The following ABCC5 variants were observed in gnomAD, a reference collection of about 807,000 sequenced individuals.
ABCC5 encodes ATP binding cassette subfamily C member 5.
Under a neutral mutation model 160.9 loss-of-function variants are expected in ABCC5, and 61 were observed. The ratio of observed to expected loss-of-function variants is 0.38; its 90% confidence interval spans 0.31 to 0.47. The LOEUF (loss-of-function observed/expected upper bound fraction) is 0.47, where lower values mean the gene tolerates loss of function less well. ABCC5 is among the 20% of genes least tolerant of loss of function. The probability of loss-of-function intolerance (pLI) is 0.99; values close to 1 mark genes in which losing one functional copy is unlikely to be tolerated. For synonymous variants in ABCC5, 666 were observed against 700.6 expected (o/e 0.95, Z 0.78); for missense variants, 1,308 against 1,813.3 (o/e 0.72, Z 5.06).
chr3:183,981,615 T>A, intron 8 of ABCC5, 112 bp downstream of exon 8: 2 of 1,184,290 alleles, frequency 1.7e-6, no homozygotes, highest in Non-Finnish European at 1.2e-6. Flanking sequence ...CCTACGATAC[T>A]AGACACTAGT....
At chr3:183,932,037 G>C (rs1454918676) in intron 26 of ABCC5, among the ~76,000 whole-genome samples, 1 of 152,106 alleles carries the variant, frequency 6.6e-6, no homozygotes, top group Non-Finnish European at 1.5e-5. Context: ...AGTCAACATT[G>C]ACCACTGCTA....
chr3:183,993,483 C>CAAAAAAA (rs57885159), intron 2 of ABCC5, among the ~76,000 whole-genome samples: 2 of 105,496 alleles, frequency 1.9e-5, no homozygotes, highest in Non-Finnish European at 2.0e-5. Flanking sequence ...GACCCTGTCT[C>CAAAAAAA]AAAAAAAAAA....
rs548924201 is a variant in ABCC5 at position 183,955,767 on chromosome 3, T to C, written c.2483-2497A>G. Among the ~76,000 whole-genome samples, 59 of 138,158 alleles carry C rather than the reference T, an allele frequency of 4.3e-4. 8 individuals are homozygous for C. Among genetic ancestry groups the C allele is most frequent in the African/African-American group, 1.1e-3 (42 of 37,626 alleles). 90.6% of individuals were successfully genotyped at this position (138,158 alleles called of 152,430 possible). Reference sequence around the variant, plus strand: ...AAATCACATCAGTTACATGCAGATCTGTGTGTATATTACATCTGTTACATG... The same window carrying C: ...AAATCACATCAGTTACATGCAGATCCGTGTGTATATTACATCTGTTACATG... On this transcript the variant is annotated intron_variant, in intron 17 of 29. Transcript: ENST00000334444.
At chr3:183,956,594 A>G (rs1190673714) in intron 17 of ABCC5, among the ~76,000 whole-genome samples, 5 of 149,158 alleles carry the variant, frequency 3.4e-5, no homozygotes, top group Admixed American at 2.7e-4. Context: ...GGTTACATGC[A>G]GATCCGTGTG....
At chr3:183,928,589 T>A (rs1712844504) in intron 27 of ABCC5, among the ~76,000 whole-genome samples, 158 bp downstream of exon 27, 1 of 152,154 alleles carries the variant, frequency 6.6e-6, no homozygotes, top group South Asian at 2.1e-4. Flanking sequence ...AGGGATCAGC[T>A]TTTCCCAGGT....
intron 5 of ABCC5, chr3:183,985,447 C>A: frequency 7.6e-7 from 1 of 1,313,790 alleles, no homozygotes; most frequent in Non-Finnish European, 1.1e-6. Flanking sequence ...CCTGACAGCA[C>A]CAAGCAAGCT....
chr3:183,998,860 C>T (rs370730475), intron 2 of ABCC5, among the ~76,000 whole-genome samples: 7 of 152,078 alleles, frequency 4.6e-5, no homozygotes, highest in Middle Eastern at 6.8e-3. Context: ...AAGGCTGAGG[C>T]GGGTGGATCA....
intron 2 of ABCC5, among the ~76,000 whole-genome samples, chr3:183,995,018 A>G (rs1720148832): frequency 6.6e-6 from 1 of 151,578 alleles, no homozygotes; most frequent in Admixed American, 6.6e-5. Flanking sequence ...CACCCAGCTA[A>G]TTATTTTTAT....
At chr3:183,927,787 C>T (rs936466436) in intron 27 of ABCC5, 3 of 985,502 alleles carry the variant, frequency 3.0e-6, no homozygotes, top group Non-Finnish European at 3.6e-6. Flanking sequence ...GAAAAGTACT[C>T]TCCTTCTGAA....
intron 26 of ABCC5, among the ~76,000 whole-genome samples, chr3:183,929,811 C>A (rs1713000682): frequency 6.6e-6 from 1 of 152,058 alleles, no homozygotes; most frequent in African/African-American, 2.4e-5. Flanking sequence ...GGGGTTTTGC[C>A]ATGTTGCCCA....
chr3:184,010,800 T>G (rs1560059338), intron 2 of ABCC5, among the ~76,000 whole-genome samples: 1 of 132,712 alleles, frequency 7.5e-6, no homozygotes, highest in Admixed American at 7.3e-5. Context: ...TTCTTCTTCT[T>G]TTTTTTTTTT....
chr3:183,954,294 G>A lies in ABCC5; in HGVS notation c.2483-1024C>T, dbSNP rs555656055. Among the ~76,000 whole-genome samples, 249 of 152,132 alleles carry A rather than the reference G, an allele frequency of 1.6e-3. 1 individual carries two copies. The highest frequency in any genetic ancestry group is 5.5e-3 in the African/African-American group (227 of 41,508). On this transcript the variant is annotated intron_variant, in intron 17 of 29. Transcript: ENST00000334444. ...CTCCCAAGTAGCTGGGATTATAGGC[G>A]CCCGCCACCACGCCTGGCTAATTTT... is the stretch of plus-strand genomic sequence containing the variant.
intron 11 of ABCC5, among the ~76,000 whole-genome samples, chr3:183,970,155 C>G (rs1717604253): frequency 6.6e-6 from 1 of 152,172 alleles, no homozygotes; most frequent in Admixed American, 6.5e-5. Flanking sequence ...TGAAGTCTCA[C>G]CAGAGGCTCT....
At position 183,965,504 on chromosome 3, in the gene ABCC5, AG is replaced by A. The variant is rs765978012; in HGVS notation, c.1834-4del. ...ATGCTGCCCTCTAGAAGCGTCATCT[AG>A]GGAGAGAGACACCATCCAATGGCAT... On this transcript the variant is annotated splice_polypyrimidine_tract_variant and splice_region_variant and intron_variant, in intron 12 of 29. Coordinates refer to ENST00000334444, the MANE Select transcript of ABCC5 (RefSeq NM_005688.4). 1.2e-6 allele frequency: 2 copies of A among 1,613,574 alleles called. No individual in the cohort carries two copies. Among genetic ancestry groups the A allele is most frequent in the Admixed American group, 1.7e-5 (1 of 59,996 alleles).
chr3:183,993,591 T>C (rs779354007), intron 2 of ABCC5, among the ~76,000 whole-genome samples: 1 of 152,118 alleles, frequency 6.6e-6, no homozygotes, highest in African/African-American at 2.4e-5. Flanking sequence ...TATAGAATTC[T>C]ATTAGATTCC....
chr3:183,956,493 C>T (rs2108806040), intron 17 of ABCC5, among the ~76,000 whole-genome samples: 2 of 149,020 alleles, frequency 1.3e-5, no homozygotes, highest in Middle Eastern at 7.0e-3. Flanking sequence ...ACATCTGTTA[C>T]ATGCGGATCC....
At chr3:183,947,784 A>G (rs1472142807) in intron 22 of ABCC5, among the ~76,000 whole-genome samples, 1 of 152,230 alleles carries the variant, frequency 6.6e-6, no homozygotes, top group African/African-American at 2.4e-5. Context: ...CATCTATCTC[A>G]GCACAGAGTA....
In ABCC5 at chr3:183,944,467, T is replaced by A. The variant is rs74744760; in HGVS notation, c.3504+1383A>T. 5.1e-3 allele frequency among the ~76,000 whole-genome samples: 763 copies of A among 149,820 alleles called. 11 individuals carry two copies. Among genetic ancestry groups the A allele is most frequent in the African/African-American group, 0.017 (714 of 40,910 alleles). On this transcript the variant is annotated intron_variant, in intron 24 of 29. Coordinates refer to ENST00000334444, the MANE Select transcript of ABCC5 (RefSeq NM_005688.4). Reference sequence around the variant, plus strand: ...AAAGCTAACTTTTCAAAACTATGTTTCAAAGTCAAGTGTTGGGAACTCAGA... The same window carrying A: ...AAAGCTAACTTTTCAAAACTATGTTACAAAGTCAAGTGTTGGGAACTCAGA...
chr3:183,996,151 G>A (rs1268837976), intron 2 of ABCC5, among the ~76,000 whole-genome samples: 1 of 152,160 alleles, frequency 6.6e-6, no homozygotes, highest in East Asian at 1.9e-4. Flanking sequence ...AGCATCAGAA[G>A]AGGAAAACTT....
Sources: gnomAD v4.1 joint callset for allele counts (sites outside exome capture counted in the v4.1 genomes callset) on GRCh38, gnomAD v4.1.1 for gene constraint, MANE v1.5 for transcripts, NCBI Gene and HGNC (gene_info 2026-07-23, HGNC 2026-07-21) for gene names.